Variants in PEPD observed in about 807,000 individuals in gnomAD.
PEPD encodes the protein xaa-Pro dipeptidase.
PEPD carries 53 observed loss-of-function variants against 60.7 expected under a neutral mutation model. The ratio of observed to expected loss-of-function variants is 0.87; its 90% confidence interval spans 0.70 to 1.10. The LOEUF (loss-of-function observed/expected upper bound fraction) is 1.10. Ranked by LOEUF, PEPD falls within the 50% of genes least tolerant of loss-of-function variation. PEPD has a pLI of 0.00. For synonymous variants in PEPD, 267 were observed against 284.1 expected, an observed-to-expected ratio of 0.94 and a Z score of 0.60; for missense variants, 711 against 711.9, an observed-to-expected ratio of 1.00 and a Z score of 0.01.
chr19:33,460,384 CT>C (rs1284437882), intron 9 of PEPD, among the ~76,000 whole-genome samples: 1 of 152,166 alleles, frequency 6.6e-6, no homozygotes, highest in African/African-American at 2.4e-5. Context: ...GCCCACCTCC[CT>C]GGCTGCAGAT....
At chr19:33,468,724 G>A (rs79794976) in intron 7 of PEPD, among the ~76,000 whole-genome samples, 111 of 152,316 alleles carry the variant, frequency 7.3e-4, no homozygotes, top group Middle Eastern at 3.4e-3. Flanking sequence ...CGAGACCACA[G>A]AACCTTCTGG....
chr19:33,518,951 T>A (rs1971078868), intron 1 of PEPD, among the ~76,000 whole-genome samples: 1 of 152,074 alleles, frequency 6.6e-6, no homozygotes, highest in African/African-American at 2.4e-5. Context: ...TGAAGAATCA[T>A]ATAGAGGACA....
At position 33,490,039 on chromosome 19, in the gene PEPD, T is replaced by G; in HGVS notation, c.460A>C (p.Ser154Arg). The change falls in exon 6 of 15, where the codon AGC becomes CGC. Residue 154 changes from serine (S) to arginine (R), a missense_variant. Physicochemically the swap from Ser to Arg is moderately radical, Grantham distance 110 (BLOSUM62 -1). Coordinates refer to ENST00000244137, the MANE Select transcript of PEPD (RefSeq NM_000285.4). ...GAGGCCTCCCTGCAGACACTGCCGCTGTCCGTGTTGACGCCACGCTGGGGA... is the reference window on the plus strand; with the variant it reads ...GAGGCCTCCCTGCAGACACTGCCGCGGTCCGTGTTGACGCCACGCTGGGGA... ...LLTLRGVNTD[S>R]GSVCREASFD... The G allele has an allele frequency of 6.2e-7, 1 of 1,612,570 alleles. No homozygotes were observed. Among genetic ancestry groups the G allele is most frequent in the Non-Finnish European group, 8.5e-7 (1 of 1,179,052 alleles).
At chr19:33,500,338 C>G (rs1219615436) in intron 4 of PEPD, among the ~76,000 whole-genome samples, 1 of 152,236 alleles carries the variant, frequency 6.6e-6, no homozygotes, top group Non-Finnish European at 1.5e-5. Flanking sequence ...CCCTGCCCCA[C>G]TGGCAGGAAG....
At chr19:33,426,258 AG>A (rs1969146042) in intron 9 of PEPD, among the ~76,000 whole-genome samples, 1 of 152,230 alleles carries the variant, frequency 6.6e-6, no homozygotes, top group African/African-American at 2.4e-5. Context: ...CACCCCTTCT[AG>A]AAAAAGCAAG....
rs77298244 is a variant in PEPD at position 33,512,468 on chromosome 19, G to A, written c.201+125C>T. The A allele has an allele frequency of 0.085, 76,601 of 901,144 alleles. 3,929 individuals are homozygous for A. Among genetic ancestry groups the A allele is most frequent in the Non-Finnish European group, 0.11 (60,969 of 560,744 alleles). The allele number at this position is 901,144 out of a possible 1,614,324, so 55.8% of individuals were successfully genotyped here. On this transcript the variant is annotated intron_variant, in intron 2 of 14. Coordinates refer to ENST00000244137, the MANE Select transcript of PEPD (RefSeq NM_000285.4). The stretch of plus-strand genomic sequence containing the variant: ...GGAGCCCCTGGACCACTTCCCAGGC[G>A]AGGAAACAGAGGCTCAGGGAGGGCC...
At chr19:33,477,773 A>G (rs1412667907) in intron 7 of PEPD, among the ~76,000 whole-genome samples, 2 of 152,236 alleles carry the variant, frequency 1.3e-5, no homozygotes, top group Non-Finnish European at 2.9e-5. Flanking sequence ...GGAGCTATCT[A>G]AGTTTGGTTT....
chr19:33,452,660 T>TA (rs1969719024), intron 9 of PEPD, among the ~76,000 whole-genome samples: 1 of 152,160 alleles, frequency 6.6e-6, no homozygotes, highest in African/African-American at 2.4e-5. Flanking sequence ...TATATGAGAA[T>TA]AAAATTGGTT....
At chr19:33,415,759 C>A (rs1326814980) in intron 9 of PEPD, among the ~76,000 whole-genome samples, 1 of 152,234 alleles carries the variant, frequency 6.6e-6, no homozygotes, top group Non-Finnish European at 1.5e-5. Flanking sequence ...CACTGGTCAC[C>A]TTTGCCGGCC....
At chr19:33,458,004 T>C (rs758693548) in intron 9 of PEPD, among the ~76,000 whole-genome samples, 1 of 152,192 alleles carries the variant, frequency 6.6e-6, no homozygotes, top group Non-Finnish European at 1.5e-5. Flanking sequence ...GGCGGGTATG[T>C]ATGTGGTATG....
At chr19:33,511,006 C>T (rs372326810) in intron 3 of PEPD, 22 bp downstream of exon 3, 122 of 1,607,642 alleles carry the variant, frequency 7.6e-5, no homozygotes, top group Admixed American at 3.9e-4. Context: ...AGCCATGGTG[C>T]CCTGGCCAGG....
chr19:33,407,951 G>A (rs1008659554), intron 11 of PEPD, among the ~76,000 whole-genome samples: 1 of 152,344 alleles, frequency 6.6e-6, no homozygotes, highest in African/African-American at 2.4e-5. Flanking sequence ...CTGGCTGGGG[G>A]TGAGGGACGG....
intron 9 of PEPD, among the ~76,000 whole-genome samples, chr19:33,425,301 C>G (rs1254876012): frequency 1.3e-5 from 2 of 150,796 alleles, no homozygotes; most frequent in Non-Finnish European, 3.0e-5. Context: ...AGTCTCAAAA[C>G]AAACAAACAA....
At chr19:33,403,731 C>T (rs1238672120) in intron 11 of PEPD, among the ~76,000 whole-genome samples, 1 of 152,198 alleles carries the variant, frequency 6.6e-6, no homozygotes, top group African/African-American at 2.4e-5. Flanking sequence ...TCCAAAGTCC[C>T]CAGCCGGGCA....
chr19:33,510,717 G>A (rs574232413), intron 3 of PEPD, among the ~76,000 whole-genome samples: 77 of 152,258 alleles, frequency 5.1e-4, no homozygotes, highest in African/African-American at 1.2e-3. Context: ...AAAGGTTGCC[G>A]GCCTGGCTCT....
chr19:33,511,917 C>T (rs1970933740), intron 2 of PEPD, among the ~76,000 whole-genome samples: 1 of 152,150 alleles, frequency 6.6e-6, no homozygotes, highest in South Asian at 2.1e-4. Flanking sequence ...ACACAGTCTG[C>T]GGTCGCTCAG....
chr19:33,447,182 C>T (rs1393637917), intron 9 of PEPD, among the ~76,000 whole-genome samples: 1 of 152,202 alleles, frequency 6.6e-6, no homozygotes, highest in East Asian at 1.9e-4. Context: ...CACCACTCAC[C>T]AATGAGGGGA....
chr19:33,518,387 T>C (rs553839045), intron 1 of PEPD, among the ~76,000 whole-genome samples: 114 of 152,136 alleles, frequency 7.5e-4, no homozygotes, highest in African/African-American at 2.7e-3. Context: ...AAGGTTCACA[T>C]TGTGGGGTTG....
intron 9 of PEPD, among the ~76,000 whole-genome samples, chr19:33,413,877 C>T (rs926554925): frequency 2.3e-4 from 35 of 152,214 alleles, no homozygotes; most frequent in Non-Finnish European, 2.9e-4. Flanking sequence ...CCCAGCAGGG[C>T]GCAGCCACCT....
Sources: allele counts gnomAD v4.1 joint callset (sites outside exome capture counted in the v4.1 genomes callset), GRCh38; gene constraint gnomAD v4.1.1; transcripts MANE v1.5; gene names NCBI Gene and HGNC (gene_info 2026-07-23, HGNC 2026-07-21).